ACOT12: variants seen among roughly 807,000 people sequenced by gnomAD.
The protein encoded by ACOT12 is acyl-CoA thioesterase 12.
In ACOT12, 51 loss-of-function variants were observed where a neutral mutation model predicts 67.7. The ratio of observed to expected loss-of-function variants is 0.75; its 90% CI spans 0.60 to 0.95. The LOEUF is 0.95. Among genes scored for constraint, ACOT12 ranks in the 40% least tolerant of loss-of-function variants. The pLI is 0.00. For synonymous variants in ACOT12, 251 were observed against 244.6 expected (o/e 1.03, Z -0.24); for missense variants, 734 against 708.1 (o/e 1.04, Z -0.41).
chr5:81,323,913 TATATACGTGTATATATAC>T, the ACOT12 span, among the ~76,000 whole-genome samples: 1 of 146,238 alleles, frequency 6.8e-6, no homozygotes, highest in African/African-American at 2.5e-5. Context: ...TATACACGTA[TATATACGTGTATATATAC>T]ATATATGTGT....
Position 81,347,939 on chromosome 5 carries a change from T to G in ACOT12, c.497-9A>C, listed in dbSNP as rs748641613. 1 of 1,612,392 alleles carries G rather than the reference T, an allele frequency of 6.2e-7. No homozygotes were observed. Among genetic ancestry groups the G allele is most frequent in the East Asian group, 2.2e-5 (1 of 44,816 alleles). ...TTCATCAAAAATGAGATCTGAAAGG[T>G]GGATGTAAACATTAATGATGGTGGA... On this transcript the variant is annotated splice_polypyrimidine_tract_variant and intron_variant, in intron 5 of 14. Transcript: ENST00000307624.
intron 4 of ACOT12, among the ~76,000 whole-genome samples, chr5:81,362,054 T>C (rs1476655222): frequency 6.6e-6 from 1 of 152,184 alleles, no homozygotes; most frequent in African/African-American, 2.4e-5. Flanking sequence ...CAATTAAGGT[T>C]ATCTGAACCA....
intron 1 of ACOT12, among the ~76,000 whole-genome samples, chr5:81,390,878 G>T (rs1185415952): frequency 6.6e-6 from 1 of 152,080 alleles, no homozygotes; most frequent in East Asian, 1.9e-4. Flanking sequence ...GGTTGTCTAG[G>T]GATGAATCTC....
At chr5:81,390,828 T>C (rs1330889596) in intron 1 of ACOT12, among the ~76,000 whole-genome samples, 2 of 152,230 alleles carry the variant, frequency 1.3e-5, no homozygotes, top group African/African-American at 4.8e-5. Flanking sequence ...ACAGTTATAC[T>C]AGCTGCTTTA....
intron 2 of ACOT12, 149 bp from the exon 3 acceptor site, chr5:81,371,959 T>C (rs1760268270): frequency 4.4e-6 from 3 of 683,236 alleles, no homozygotes; most frequent in Non-Finnish European, 7.5e-6. Context: ...TTAATGATAA[T>C]GGAAAAAGAC....
chr5:81,381,946 T>C (rs1303467846), intron 2 of ACOT12, among the ~76,000 whole-genome samples: 2 of 152,226 alleles, frequency 1.3e-5, no homozygotes, highest in African/African-American at 4.8e-5. Flanking sequence ...AGAAAGAAAC[T>C]GCATAAATAA....
chr5:81,339,995 G>A (rs1759137925), intron 11 of ACOT12, among the ~76,000 whole-genome samples: 1 of 151,624 alleles, frequency 6.6e-6, no homozygotes, highest in Non-Finnish European at 1.5e-5. Context: ...GAGTAGCTGG[G>A]ACTACAGGTG....
intron 1 of ACOT12, among the ~76,000 whole-genome samples, chr5:81,388,132 T>A (rs145099296): frequency 1.8e-4 from 27 of 152,286 alleles, no homozygotes; most frequent in African/African-American, 6.5e-4. Flanking sequence ...TTAAATGCAT[T>A]GTTCTAAATA....
At chr5:81,353,020 A>T (rs56340148) in intron 5 of ACOT12, among the ~76,000 whole-genome samples, 21 of 152,304 alleles carry the variant, frequency 1.4e-4, no homozygotes, top group Non-Finnish European at 2.8e-4. Flanking sequence ...TAGTTTTTAG[A>T]TAATTATAAA....
intron 10 of ACOT12, 150 bp from the exon 11 acceptor site, chr5:81,342,905 G>T: frequency 1.2e-6 from 1 of 811,156 alleles, no homozygotes; most frequent in Non-Finnish European, 2.0e-6. Flanking sequence ...CTACAGGCCA[G>T]GTGAAGTGGC....
chr5:81,331,541 T>C (rs1043002760), intron 13 of ACOT12, among the ~76,000 whole-genome samples: 1 of 152,054 alleles, frequency 6.6e-6, no homozygotes, highest in Admixed American at 6.6e-5. Context: ...ATAATAATAA[T>C]AAAAACAATA....
At chr5:81,331,428 T>C (rs946858389) in intron 13 of ACOT12, among the ~76,000 whole-genome samples, 2 of 152,306 alleles carry the variant, frequency 1.3e-5, no homozygotes, top group South Asian at 2.1e-4. Flanking sequence ...TCCCAGCTAC[T>C]TGGGAGGCTG....
downstream of ACOT12, among the ~76,000 whole-genome samples, chr5:81,327,504 G>A (rs944938368): frequency 6.6e-6 from 1 of 152,108 alleles, no homozygotes; most frequent in East Asian, 1.9e-4. Flanking sequence ...GCAGTGGCAC[G>A]ATCTCTGCAA....
rs750143663 is a variant in ACOT12 at position 81,347,888 on chromosome 5, C to A, written c.539G>T (p.Gly180Val). ...DEEEGAVSTR[G>V]TSVQSIELVL... is the part of the protein sequence containing the mutation. ...CAGTTCAATGCTCTGAACGGAGGTG[C>A]CCCTTGTGGAAACCGCTCCTTCCTC... Residue 180 changes from glycine (G) to valine (V), a missense_variant, in exon 6 of 15, where the codon GGC (glycine) becomes GTC (valine). Physicochemically the swap from Gly to Val is moderately radical, Grantham distance 109. Coordinates refer to ENST00000307624, the MANE Select transcript of ACOT12 (RefSeq NM_130767.3). The A allele has an allele frequency of 6.2e-7, 1 of 1,613,864 alleles. No individual in the cohort carries two copies. The highest frequency in any genetic ancestry group is 2.2e-5 in the East Asian group (1 of 44,868).
rs79345033 is a variant in ACOT12 at position 81,346,475 on chromosome 5, A to G, written c.654-471T>C. 8.3e-3 allele frequency among the ~76,000 whole-genome samples: 1,272 copies of G among 152,352 alleles called. 48 individuals carry two copies. In the East Asian group the frequency reaches 0.11, roughly 13 times the overall value. Reference sequence around the variant, plus strand: ...AGTTTTTTCCCCTCACAGAAAAATTACCTGGATTGCTACATAAAGCCTGAA... The same window carrying G: ...AGTTTTTTCCCCTCACAGAAAAATTGCCTGGATTGCTACATAAAGCCTGAA... On this transcript the variant is annotated intron_variant, in intron 6 of 14. Transcript: ENST00000307624.
chr5:81,366,298 A>G (rs1404370521), intron 3 of ACOT12, among the ~76,000 whole-genome samples: 1 of 152,254 alleles, frequency 6.6e-6, no homozygotes, highest in Admixed American at 6.5e-5. Flanking sequence ...TATAAAATTC[A>G]CAATGTTCAG....
At chr5:81,324,200 C>A in the ACOT12 span, among the ~76,000 whole-genome samples, 1 of 152,094 alleles carries the variant, frequency 6.6e-6, no homozygotes, top group Non-Finnish European at 1.5e-5. Context: ...CTTGGCCTCC[C>A]AAAGTGCTGA....
At chr5:81,367,415 G>A (rs938827552) in intron 3 of ACOT12, among the ~76,000 whole-genome samples, 1 of 152,158 alleles carries the variant, frequency 6.6e-6, no homozygotes, top group Non-Finnish European at 1.5e-5. Context: ...GACAATAACG[G>A]CACAAAGGCT....
At chr5:81,381,402 C>A (rs989005345) in intron 2 of ACOT12, among the ~76,000 whole-genome samples, 1 of 152,042 alleles carries the variant, frequency 6.6e-6, no homozygotes, top group African/African-American at 2.4e-5. Context: ...CTGTCACTGA[C>A]CAAAATGCTG....
Sources: gnomAD v4.1 joint callset for allele counts (sites outside exome capture counted in the v4.1 genomes callset) on GRCh38, gnomAD v4.1.1 for gene constraint, MANE v1.5 for transcripts, NCBI Gene and HGNC (gene_info 2026-07-23, HGNC 2026-07-21) for gene names.